The following ATP8A2 variants were observed in gnomAD, a reference collection of about 807,000 sequenced individuals.
The protein encoded by ATP8A2 is ATPase phospholipid transporting 8A2.
A neutral mutation model predicts 165.6 loss-of-function variants in ATP8A2; 100 were observed. That is an observed-to-expected ratio of 0.60 (90% CI 0.51 to 0.71). ATP8A2 has a LOEUF of 0.71. Among genes scored for constraint, ATP8A2 ranks in the 30% least tolerant of loss-of-function variants. The pLI is 0.00. For synonymous variants in ATP8A2, 543 were observed against 548.8 expected (o/e 0.99, Z 0.15); for missense variants, 1,227 against 1,479.5 (o/e 0.83, Z 2.80).
chr13:25,452,388 CT>C (rs948682671), intron 1 of ATP8A2, among the ~76,000 whole-genome samples: 2 of 152,064 alleles, frequency 1.3e-5, no homozygotes, highest in Non-Finnish European at 2.9e-5. Flanking sequence ...CACCAAAATA[CT>C]TTTTTTTCTA....
chr13:25,937,362 C>CTTTCTTTCTTTTT lies in ATP8A2; in HGVS notation c.3184-24210_3184-24209insCTTTCTTTTTTTT. Among the ~76,000 whole-genome samples the CTTTCTTTCTTTTT allele has an allele frequency of 7.7e-5, 3 of 38,800 alleles. No individual in the cohort carries two copies. In the Admixed American group the frequency reaches 1.4e-3, roughly 18 times the overall value. The allele number at this position is 38,800 out of a possible 152,430, so 25.5% of individuals were successfully genotyped here. A position where few individuals can be genotyped will look rare whatever the true frequency, so the allele number is the denominator to read the frequency against. ...TGCTTTGTCTTTCTATTCTTTCTTT[C>CTTTCTTTCTTTTT]TTTTTTTTTTTTTTTTTGAACAGCC... On this transcript the variant is annotated intron_variant, in intron 33 of 36. Coordinates refer to ENST00000381655, the MANE Select transcript of ATP8A2 (RefSeq NM_016529.6).
intron 36 of ATP8A2, among the ~76,000 whole-genome samples, chr13:26,017,769 G>A (rs1165461513): frequency 6.6e-6 from 1 of 152,160 alleles, no homozygotes; most frequent in Non-Finnish European, 1.5e-5. Context: ...GCCCAAGGCT[G>A]GCACAAGCAT....
intron 35 of ATP8A2, among the ~76,000 whole-genome samples, chr13:26,008,911 G>A (rs1956792041): frequency 1.3e-5 from 2 of 152,088 alleles, no homozygotes; most frequent in African/African-American, 2.4e-5. Flanking sequence ...AAATAATAAA[G>A]TATTCCTCTA....
chr13:25,555,807 G>T (rs756490131), intron 13 of ATP8A2, among the ~76,000 whole-genome samples: 2 of 151,910 alleles, frequency 1.3e-5, no homozygotes, highest in Non-Finnish European at 2.9e-5. Flanking sequence ...AGTGTCTCTT[G>T]TTCCCATATT....
At chr13:25,549,330 C>T (rs943144214) in intron 10 of ATP8A2, among the ~76,000 whole-genome samples, 7 of 151,856 alleles carry the variant, frequency 4.6e-5, no homozygotes, top group African/African-American at 1.5e-4. Context: ...CATGGTGGCG[C>T]ACACTTGTAA....
intron 24 of ATP8A2, among the ~76,000 whole-genome samples, chr13:25,693,380 C>T (rs1535564): frequency 0.49 from 74,498 of 151,948 alleles, 19,069 homozygotes; most frequent in Middle Eastern, 0.57. Context: ...AGATTATTGC[C>T]GAGTGGGCAT....
intron 7 of ATP8A2, among the ~76,000 whole-genome samples, chr13:25,538,283 C>T (rs969670891): frequency 6.6e-6 from 1 of 152,108 alleles, no homozygotes; most frequent in Non-Finnish European, 1.5e-5. Flanking sequence ...TGTGTTGACT[C>T]CACTTAGTCT....
At chr13:25,557,686 A>G (rs2039021256) in intron 13 of ATP8A2, among the ~76,000 whole-genome samples, 1 of 152,102 alleles carries the variant, frequency 6.6e-6, no homozygotes, top group African/African-American at 2.4e-5. Context: ...TGCAGTATAT[A>G]ATTGTTTGCA....
At chr13:25,573,937 TGTGTTAC>T (rs2039542627) in intron 18 of ATP8A2, among the ~76,000 whole-genome samples, 1 of 152,222 alleles carries the variant, frequency 6.6e-6, no homozygotes, top group Non-Finnish European at 1.5e-5. Flanking sequence ...GTAATTTGAA[TGTGTTAC>T]TTCATTGATT....
At chr13:25,996,127 A>T (rs551606927) in intron 35 of ATP8A2, among the ~76,000 whole-genome samples, 188 of 152,306 alleles carry the variant, frequency 1.2e-3, no homozygotes, top group African/African-American at 4.3e-3. Context: ...TGCATGATGT[A>T]TCTTTTCCAT....
intron 8 of ATP8A2, 37 bp from the exon 9 acceptor site, chr13:25,541,882 A>T: frequency 6.2e-7 from 1 of 1,612,662 alleles, no homozygotes; most frequent in Non-Finnish European, 8.5e-7. Flanking sequence ...AGCACAGAAG[A>T]TTGTGTTTGA....
At chr13:25,427,785 T>C (rs2034492648) in intron 1 of ATP8A2, among the ~76,000 whole-genome samples, 1 of 152,036 alleles carries the variant, frequency 6.6e-6, no homozygotes, top group Non-Finnish European at 1.5e-5. Context: ...TCCCAGCTAC[T>C]TGGGAGACTG....
At position 25,699,234 on chromosome 13, in the gene ATP8A2, A is replaced by G. The variant is rs779553089; in HGVS notation, c.2273A>G (p.Asn758Ser). ...TDLGNLLGKE[N>S]DVALIIDGHT... ...CTTGGGAATTTGCTGGGCAAGGAAA[A>G]TGACGTGGCCCTGATCATCGATGGC... Residue 758 changes from asparagine to serine, a missense_variant, in exon 25 of 37, where the codon AAT (asparagine) becomes AGT (serine). Around this residue, in one of 5 missense-constraint regions of ATP8A2, gnomAD observed 592 missense variants for 785.6 expected, o/e 0.75. Coordinates refer to ENST00000381655, the MANE Select transcript of ATP8A2 (RefSeq NM_016529.6). The G allele has an allele frequency of 1.9e-6, 3 of 1,613,572 alleles. No individual in the cohort carries two copies. Among genetic ancestry groups the G allele is most frequent in the Non-Finnish European group, 2.5e-6 (3 of 1,179,680 alleles).
At position 25,840,477 on chromosome 13, in the gene ATP8A2, AAAAT is replaced by A. The variant is rs1472490995; in HGVS notation, c.2956+854_2956+857del. Among the ~76,000 whole-genome samples, 860 of 152,326 alleles carry A rather than the reference AAAAT, an allele frequency of 5.6e-3. 6 individuals carry two copies. Among genetic ancestry groups the A allele is most frequent in the African/African-American group, 0.02 (816 of 41,574 alleles). ...TTTAACCTATTAAATACTGACAGAGAAAATGCATGCACTGCCATTTTCTTATGCC... is the reference window on the plus strand; with the variant it reads ...TTTAACCTATTAAATACTGACAGAGAGCATGCACTGCCATTTTCTTATGCC... On this transcript the variant is annotated intron_variant, in intron 30 of 36. Transcript: ENST00000381655.
chr13:25,602,216 C>T (rs1216658692), intron 24 of ATP8A2, among the ~76,000 whole-genome samples: 1 of 152,106 alleles, frequency 6.6e-6, no homozygotes, highest in African/African-American at 2.4e-5. Flanking sequence ...AAGGCACTTG[C>T]ATTTTAAGGT....
chr13:25,630,045 C>T (rs549998921), intron 24 of ATP8A2, among the ~76,000 whole-genome samples: 61 of 150,394 alleles, frequency 4.1e-4, no homozygotes, highest in African/African-American at 1.5e-3. Flanking sequence ...TGGACATGCA[C>T]ACCACTCTCA....
At chr13:25,543,147 C>A (rs2038537427) in intron 9 of ATP8A2, 144 bp from the exon 10 acceptor site, 1 of 526,342 alleles carries the variant, frequency 1.9e-6, no homozygotes, top group Non-Finnish European at 3.4e-6. Flanking sequence ...CCAATGGTAA[C>A]CTTTGTTGTC....
At chr13:25,511,303 T>A (rs1263886618) in intron 2 of ATP8A2, among the ~76,000 whole-genome samples, 4 of 152,200 alleles carry the variant, frequency 2.6e-5, no homozygotes, top group Admixed American at 6.5e-5. Context: ...CTATATATTT[T>A]AAAATAAATA....
chr13:25,605,952 G>A (rs9553631), intron 24 of ATP8A2, among the ~76,000 whole-genome samples: 74,882 of 151,902 alleles, frequency 0.49, 20,155 homozygotes, highest in Admixed American at 0.61. Flanking sequence ...CTTAACACAC[G>A]TATGTACATA....
Sources: gnomAD v4.1 joint callset for allele counts (sites outside exome capture counted in the v4.1 genomes callset) on GRCh38, gnomAD v4.1.1 for gene constraint, gnomAD v4.1.1 regional missense constraint, MANE v1.5 for transcripts, NCBI Gene and HGNC (gene_info 2026-07-23, HGNC 2026-07-21) for gene names.